KIF23: variants seen among roughly 807,000 people sequenced by gnomAD.
KIF23 encodes kinesin-like protein KIF23.
In KIF23, 30 loss-of-function variants were observed where a neutral mutation model predicts 137.5. The ratio of observed to expected loss-of-function variants is 0.22; its 90% CI spans 0.16 to 0.30. The LOEUF (loss-of-function observed/expected upper bound fraction) is 0.30. Among genes scored for constraint, KIF23 ranks in the 10% least tolerant of loss-of-function variants. The pLI, the probability that KIF23 is intolerant of heterozygous loss-of-function variation, is 1.00. For missense variants in KIF23, 920 were observed against 1,194.3 expected (o/e 0.77, Z 3.38); for synonymous variants, 367 against 391.1 (o/e 0.94, Z 0.73).
intron 8 of KIF23, among the ~76,000 whole-genome samples, 158 bp downstream of exon 8, chr15:69,425,481 A>G (rs769112936): frequency 3.9e-5 from 6 of 152,156 alleles, no homozygotes; most frequent in Non-Finnish European, 5.9e-5. Flanking sequence ...GCTATTGACT[A>G]TCAGTGATGG....
Position 69,422,095 on chromosome 15 carries a change from T to C in KIF23, c.420T>C (p.Phe140=). The part of the protein sequence containing the change: ...GLLPRCLDMI[F]NSIGSFQAKR... ...TTCCTCGTTGTTTGGACATGATCTT[T>C]AACAGTATAGGGTCATTTCAAGCTA... Residue 140 remains phenylalanine (F), a synonymous_variant, in exon 5 of 24, where the codon TTT becomes TTC. Coordinates refer to ENST00000679126, the MANE Select transcript of KIF23 (RefSeq NM_001367805.3). 3 of 1,614,180 alleles carry C rather than the reference T, an allele frequency of 1.9e-6. No homozygotes were observed. Among genetic ancestry groups the C allele is most frequent in the Non-Finnish European group, 2.5e-6 (3 of 1,180,016 alleles).
At chr15:69,416,109 C>T in intron 2 of KIF23, 46 bp downstream of exon 2, 1 of 1,229,226 alleles carries the variant, frequency 8.1e-7, no homozygotes, top group South Asian at 1.5e-5. Context: ...AGAAACTTAT[C>T]TCTTCAGTCC....
chr15:69,419,933 G>A (rs1449359034), intron 3 of KIF23, among the ~76,000 whole-genome samples: 2 of 152,134 alleles, frequency 1.3e-5, no homozygotes, highest in Admixed American at 1.3e-4. Flanking sequence ...ATTAAAAATA[G>A]TCACTGCTTT....
At chr15:69,417,282 A>G in intron 2 of KIF23, 101 bp from the exon 3 acceptor site, 1 of 1,119,788 alleles carries the variant, frequency 8.9e-7, no homozygotes, top group East Asian at 2.6e-5. Flanking sequence ...TTAAATTGAG[A>G]GACTGAATGT....
Position 69,429,115 on chromosome 15 carries a change from A to G in KIF23, c.1016A>G (p.Lys339Arg). 1 of 1,607,480 alleles carries G rather than the reference A, an allele frequency of 6.2e-7. No homozygotes were observed. The highest frequency in any genetic ancestry group is 1.1e-5 in the South Asian group (1 of 89,864). The part of the protein sequence containing the change: ...DADGDNVLQE[K>R]EQITISQLSL... ...TTGGCTTTGTGATCTTTTTAGGAAAAAGAACAAATCACTATAAGTCAGTTG... is the reference window on the plus strand; with the variant it reads ...TTGGCTTTGTGATCTTTTTAGGAAAGAGAACAAATCACTATAAGTCAGTTG... Residue 339 changes from lysine (K) to arginine (R), a missense_variant, in exon 11 of 24, where the codon AAA becomes AGA. Physicochemically the swap from Lys to Arg is conservative, Grantham distance 26 (BLOSUM62 2). Coordinates refer to ENST00000679126, the MANE Select transcript of KIF23 (RefSeq NM_001367805.3).
chr15:69,431,874 G>A (rs1477084479), intron 11 of KIF23, among the ~76,000 whole-genome samples: 1 of 152,204 alleles, frequency 6.6e-6, no homozygotes, highest in African/African-American at 2.4e-5. Context: ...TGATGTTTAA[G>A]TCCAGTGGTG....
In KIF23 at chr15:69,426,398, G is replaced by A. The variant is rs1349035165; in HGVS notation, c.952G>A (p.Val318Met). The A allele has an allele frequency of 8.1e-6, 13 of 1,613,938 alleles. No individual in the cohort carries two copies. The highest frequency in any genetic ancestry group is 1.1e-5 in the South Asian group (1 of 91,070). ...TCGTGAGTCCAGCCGTTCCCATAGC[G>A]TGTTCAACATTAAATTAGTTCAGGC... is the stretch of plus-strand genomic sequence containing the variant. ...LNRESSRSHS[V>M]FNIKLVQAPL... The change falls in exon 10 of 24, where the codon GTG (valine) becomes ATG (methionine). Residue 318 changes from valine (V) to methionine (M), a missense_variant. Physicochemically the swap from Val to Met is conservative, Grantham distance 21. Coordinates refer to ENST00000679126, the MANE Select transcript of KIF23 (RefSeq NM_001367805.3).
intron 19 of KIF23, among the ~76,000 whole-genome samples, chr15:69,442,840 G>A (rs1031115275): frequency 3.3e-5 from 5 of 152,330 alleles, no homozygotes; most frequent in Admixed American, 2.6e-4. Context: ...AAAAGTTACT[G>A]TAAGGTTAGT....
chr15:69,446,292 A>G lies in KIF23; in HGVS notation c.2766A>G (p.Lys922=). ...LKQESPNGSR[K]RRSSTVAPAQ... ...GTTTCCCCTTTTTCAGTAGTCGAAA[A>G]CGAAGATCTTCCACAGTAGCACCTG... Residue 922 remains lysine, a synonymous_variant, in exon 22 of 24, where the codon AAA becomes AAG. Transcript: ENST00000679126. 1.9e-6 allele frequency: 3 copies of G among 1,614,080 alleles called. No individual in the cohort carries two copies. Among genetic ancestry groups the G allele is most frequent in the Non-Finnish European group, 2.5e-6 (3 of 1,179,926 alleles).
At chr15:69,430,961 C>T (rs1297351180) in intron 11 of KIF23, among the ~76,000 whole-genome samples, 1 of 152,146 alleles carries the variant, frequency 6.6e-6, no homozygotes, top group Non-Finnish European at 1.5e-5. Context: ...ACAGCCTCCC[C>T]TTAAAGAAGG....
Position 69,447,962 on chromosome 15 carries a change from T to C in KIF23, c.*155T>C. On this transcript the variant is annotated 3_prime_UTR_variant, in exon 24 of 24. Coordinates refer to ENST00000679126, the MANE Select transcript of KIF23 (RefSeq NM_001367805.3). Reference sequence around the variant, plus strand: ...ATCATACACTGACCCAGAGCAAAGCTTTCCCTATGGTTCCAAAGACAACTA... The same window carrying C: ...ATCATACACTGACCCAGAGCAAAGCCTTCCCTATGGTTCCAAAGACAACTA... The C allele has an allele frequency of 1.8e-6, 1 of 558,940 alleles. No homozygotes were observed. 34.6% of individuals were successfully genotyped at this position (558,940 alleles called of 1,614,324 possible).
At chr15:69,431,925 G>A (rs565335073) in intron 11 of KIF23, among the ~76,000 whole-genome samples, 137 of 152,322 alleles carry the variant, frequency 9.0e-4, no homozygotes, top group Non-Finnish European at 1.7e-3. Context: ...CTGGCCCAAA[G>A]GACTCTTGCA....
Position 69,422,007 on chromosome 15 carries a change from A to G in KIF23, c.332A>G (p.Tyr111Cys), listed in dbSNP as rs761980281. ...TACACTGTAGGTCTTCTTTTTACAT[A>G]TGGTGTGACGGGAAGTGGAAAAACT... ...IHGKNGLLFT[Y>C]GVTGSGKTHT... Residue 111 changes from tyrosine to cysteine, a missense_variant, in exon 5 of 24, where the codon TAT (tyrosine) becomes TGT (cysteine). Tyr to Cys is a radical substitution (Grantham distance 194). Transcript: ENST00000679126. 1.2e-6 allele frequency: 2 copies of G among 1,614,012 alleles called. No homozygotes were observed. Among genetic ancestry groups the G allele is most frequent in the Non-Finnish European group, 1.7e-6 (2 of 1,179,976 alleles).
chr15:69,432,577 T>C (rs893533382), intron 11 of KIF23, among the ~76,000 whole-genome samples: 1 of 151,894 alleles, frequency 6.6e-6, no homozygotes, highest in African/African-American at 2.4e-5. Flanking sequence ...CAGCAAGAGA[T>C]AAATGGTTAG....
chr15:69,414,537 G>GGGGCAGGCGTCTCCACTCAGT (rs1026077462), intron 1 of KIF23, 61 bp downstream of exon 1: 1 of 1,492,332 alleles, frequency 6.7e-7, no homozygotes, highest in Admixed American at 2.2e-5. Flanking sequence ...CTCGGGGCTG[G>GGGGCAGGCGTCTCCACTCAGT]GGGCAGGCGT....
intron 3 of KIF23, among the ~76,000 whole-genome samples, chr15:69,418,825 A>G (rs554927221): frequency 6.6e-6 from 1 of 152,338 alleles, no homozygotes; most frequent in East Asian, 1.9e-4. Context: ...TGAAATACTG[A>G]TAATTGAGCA....
intron 13 of KIF23, 34 bp downstream of exon 13, chr15:69,435,805 A>C: frequency 6.3e-7 from 1 of 1,598,750 alleles, no homozygotes; most frequent in East Asian, 2.2e-5. Context: ...TAAAGTCTTG[A>C]GTTTTTGTCG....
chr15:69,414,794 G>C, intron 1 of KIF23: 1 of 329,716 alleles, frequency 3.0e-6, no homozygotes, highest in African/African-American at 2.1e-5. Flanking sequence ...CCTCCTCGGG[G>C]TCCCGGGACA....
At chr15:69,430,734 C>A (rs1370697385) in intron 11 of KIF23, among the ~76,000 whole-genome samples, 1 of 152,156 alleles carries the variant, frequency 6.6e-6, no homozygotes, top group African/African-American at 2.4e-5. Context: ...AGACCCCTGT[C>A]TGTCATATCA....
Sources: gnomAD v4.1 joint callset for allele counts (sites outside exome capture counted in the v4.1 genomes callset) on GRCh38, gnomAD v4.1.1 for gene constraint, MANE v1.5 for transcripts, NCBI Gene and HGNC (gene_info 2026-07-23, HGNC 2026-07-21) for gene names.